TSHZ2: variants seen among roughly 807,000 people sequenced by gnomAD.
TSHZ2 encodes the protein teashirt zinc finger homeobox 2.
A neutral mutation model predicts 74.4 loss-of-function variants in TSHZ2; 21 were observed. The ratio of observed to expected loss-of-function variants is 0.28; its 90% CI spans 0.20 to 0.41. The LOEUF (loss-of-function observed/expected upper bound fraction) is 0.41. TSHZ2 is among the 10% of genes least tolerant of loss of function. TSHZ2 has a pLI of 1.00. For synonymous variants in TSHZ2, 540 were observed against 515.3 expected (o/e 1.05, Z -0.65); for missense variants, 1,244 against 1,293.5 (o/e 0.96, Z 0.59).
intron 1 of TSHZ2, among the ~76,000 whole-genome samples, chr20:53,041,791 A>C (rs17329208): frequency 0.052 from 7,931 of 152,352 alleles, 275 homozygotes; most frequent in Non-Finnish European, 0.079. Flanking sequence ...CCATGCCACG[A>C]GTCTCCTGAA....
chr20:53,055,211 C>T lies in TSHZ2; in HGVS notation c.40+81878C>T, dbSNP rs149175195. 2.0e-3 allele frequency among the ~76,000 whole-genome samples: 309 copies of T among 152,312 alleles called. 1 individual carries two copies. Among genetic ancestry groups the T allele is most frequent in the African/African-American group, 7.1e-3 (297 of 41,568 alleles). ...TCCACAGGTTTTATATTGAAATCAT[C>T]AACCTGGTTTTCTTATAATCATTCG... On this transcript the variant is annotated intron_variant, in intron 1 of 2. Coordinates refer to ENST00000371497, the MANE Select transcript of TSHZ2 (RefSeq NM_173485.6).
intron 2 of TSHZ2, among the ~76,000 whole-genome samples, chr20:53,366,718 A>G (rs979038563): frequency 2.6e-5 from 4 of 152,226 alleles, no homozygotes; most frequent in Non-Finnish European, 5.9e-5. Context: ...AGGTGGGACA[A>G]ATAGACCACA....
At chr20:53,401,378 A>G (rs1485209505) in intron 2 of TSHZ2, 1 of 152,186 alleles carries the variant, frequency 6.6e-6, no homozygotes, top group African/African-American at 2.4e-5. Context: ...TTTTAATTAT[A>G]CTTTCTTTTT....
intron 1 of TSHZ2, among the ~76,000 whole-genome samples, chr20:53,104,780 C>T (rs1348851913): frequency 6.6e-6 from 1 of 152,182 alleles, no homozygotes; most frequent in Non-Finnish European, 1.5e-5. Context: ...ATGAACCGAT[C>T]CTTCTGTTTT....
At chr20:53,197,341 C>A (rs779106156) in intron 1 of TSHZ2, among the ~76,000 whole-genome samples, 1 of 152,128 alleles carries the variant, frequency 6.6e-6, no homozygotes, top group African/African-American at 2.4e-5. Context: ...TCTCAACGTG[C>A]AGTTTTGGGT....
At chr20:53,080,559 T>C (rs1011042671) in intron 1 of TSHZ2, among the ~76,000 whole-genome samples, 6 of 152,142 alleles carry the variant, frequency 3.9e-5, no homozygotes, top group African/African-American at 1.2e-4. Flanking sequence ...GATGAAAGTC[T>C]TTCACCTCGG....
At chr20:53,320,711 A>G (rs913345723) in intron 2 of TSHZ2, among the ~76,000 whole-genome samples, 14 of 152,216 alleles carry the variant, frequency 9.2e-5, no homozygotes, top group Non-Finnish European at 1.6e-4. Context: ...AACAGAAAAA[A>G]TAAAAAAGAA....
At chr20:53,260,359 T>C (rs1359353241) in intron 2 of TSHZ2, among the ~76,000 whole-genome samples, 1 of 152,232 alleles carries the variant, frequency 6.6e-6, no homozygotes, top group Non-Finnish European at 1.5e-5. Context: ...CCCAAGGTCC[T>C]ACAATCTCTG....
chr20:53,259,592 C>G (rs1201785201), intron 2 of TSHZ2, among the ~76,000 whole-genome samples: 1 of 152,164 alleles, frequency 6.6e-6, no homozygotes, highest in East Asian at 1.9e-4. Flanking sequence ...TAACAGCACA[C>G]CTAGCCTTGA....
chr20:53,394,294 G>A (rs1378454260), intron 2 of TSHZ2, among the ~76,000 whole-genome samples: 2 of 152,216 alleles, frequency 1.3e-5, no homozygotes, highest in African/African-American at 4.8e-5. Context: ...ATAAGGCAAA[G>A]CAGGAACAAG....
Position 53,254,522 on chromosome 20 carries a change from C to T in TSHZ2, c.1064C>T (p.Ser355Phe), listed in dbSNP as rs760232333. 27 of 1,614,008 alleles carry T rather than the reference C, an allele frequency of 1.7e-5. No individual in the cohort carries two copies. The highest frequency in any genetic ancestry group is 2.2e-5 in the Non-Finnish European group (26 of 1,179,984). ...CAGAAGAACGCCAACTTGCAGTTGT[C>T]CTCCAACAACCGCTATGGCTACCAA... ...SSQKNANLQL[S>F]SNNRYGYQNG... is the part of the protein sequence containing the mutation. Residue 355 changes from serine to phenylalanine, a missense_variant, in exon 2 of 3, where the codon TCC (serine) becomes TTC (phenylalanine). Ser to Phe is a radical substitution (Grantham distance 155, BLOSUM62 -2). This residue lies in a region of TSHZ2 where 470 missense variants were observed against 456.5 expected (regional missense o/e 1.03). Transcript: ENST00000371497.
At chr20:53,484,124 C>A (rs1445203951) in intron 2 of TSHZ2, among the ~76,000 whole-genome samples, 1 of 152,178 alleles carries the variant, frequency 6.6e-6, no homozygotes, top group African/African-American at 2.4e-5. Context: ...CTCCTTTAAG[C>A]TTCTAGACCT....
chr20:53,290,002 G>C (rs1259054216), intron 2 of TSHZ2, among the ~76,000 whole-genome samples: 1 of 152,110 alleles, frequency 6.6e-6, no homozygotes, highest in South Asian at 2.1e-4. Context: ...CTGAGAATGA[G>C]ATTTAGTGGT....
intron 1 of TSHZ2, among the ~76,000 whole-genome samples, chr20:53,243,747 A>G (rs1990126824): frequency 1.3e-5 from 2 of 152,124 alleles, no homozygotes; most frequent in South Asian, 2.1e-4. Flanking sequence ...CCAGAAAACT[A>G]AAGTCCAGCC....
chr20:53,362,161 C>G (rs1981084006), intron 2 of TSHZ2, among the ~76,000 whole-genome samples: 1 of 150,348 alleles, frequency 6.7e-6, no homozygotes, highest in African/African-American at 2.5e-5. Context: ...GCCACCGTGC[C>G]CAGCCTCTTC....
At chr20:53,327,323 C>G (rs79076527) in intron 2 of TSHZ2, among the ~76,000 whole-genome samples, 1 of 152,118 alleles carries the variant, frequency 6.6e-6, no homozygotes, top group Non-Finnish European at 1.5e-5. Flanking sequence ...GCCATTAACT[C>G]TATTATTTAC....
At chr20:53,303,672 G>A (rs556294481) in intron 2 of TSHZ2, among the ~76,000 whole-genome samples, 6 of 152,310 alleles carry the variant, frequency 3.9e-5, no homozygotes, top group African/African-American at 1.4e-4. Flanking sequence ...TAAGAACTTA[G>A]ATGCTAGAAT....
intron 1 of TSHZ2, among the ~76,000 whole-genome samples, chr20:53,065,229 A>G (rs1984944104): frequency 6.6e-6 from 1 of 152,210 alleles, no homozygotes; most frequent in South Asian, 2.1e-4. Flanking sequence ...AGAAATTAAA[A>G]CATAGTAACT....
At chr20:53,066,680 G>C (rs1402867266) in intron 1 of TSHZ2, among the ~76,000 whole-genome samples, 1 of 152,116 alleles carries the variant, frequency 6.6e-6, no homozygotes, top group South Asian at 2.1e-4. Context: ...GCTAATTTTT[G>C]TATTTTTAGT....
Sources: allele counts gnomAD v4.1 joint callset (sites outside exome capture counted in the v4.1 genomes callset), GRCh38; gene constraint gnomAD v4.1.1; regional missense constraint gnomAD v4.1.1; transcripts MANE v1.5; gene names NCBI Gene and HGNC (gene_info 2026-07-23, HGNC 2026-07-21).